GPHN: variants seen among roughly 807,000 people sequenced by gnomAD.
GPHN encodes the protein gephyrin.
A neutral mutation model predicts 95.5 loss-of-function variants in GPHN; 17 were observed. The ratio of observed to expected loss-of-function variants is 0.18; its 90% CI spans 0.12 to 0.27. GPHN has a LOEUF of 0.27. GPHN is among the 10% of genes least tolerant of loss of function. The probability of loss-of-function intolerance (pLI) is 1.00; values close to 1 mark genes in which losing one functional copy is unlikely to be tolerated. For synonymous variants in GPHN, 320 were observed against 322.5 expected (o/e 0.99, Z 0.08); for missense variants, 660 against 978.1 (o/e 0.67, Z 4.34).
intron 8 of GPHN, among the ~76,000 whole-genome samples, chr14:66,936,646 C>G (rs1288552969): frequency 6.6e-6 from 1 of 152,082 alleles, no homozygotes; most frequent in African/African-American, 2.4e-5. Context: ...AGTTATAACA[C>G]TTAGAAGTAT....
At chr14:67,659,733 T>C in the GPHN span, 6 of 1,594,326 alleles carry the variant, frequency 3.8e-6, no homozygotes, top group Non-Finnish European at 2.6e-6. Flanking sequence ...AAACTTACCA[T>C]ATGCTCATTC....
At chr14:67,727,382 G>A in the GPHN span, 1 of 591,352 alleles carries the variant, frequency 1.7e-6, no homozygotes. Flanking sequence ...TAGGGGTTAA[G>A]AACCTCAAAA....
the GPHN span, among the ~76,000 whole-genome samples, chr14:67,485,794 G>A: frequency 2.0e-5 from 3 of 152,238 alleles, no homozygotes; most frequent in African/African-American, 4.8e-5. Flanking sequence ...GTGCAGTTAG[G>A]AGCCTCTCAC....
the GPHN span, among the ~76,000 whole-genome samples, chr14:67,381,215 C>T: frequency 0.021 from 3,223 of 152,192 alleles, 130 homozygotes; most frequent in African/African-American, 0.074. Flanking sequence ...AACATAAACC[C>T]GTCCCCTCCT....
At chr14:67,031,554 T>C (rs1457332695) in intron 10 of GPHN, among the ~76,000 whole-genome samples, 1 of 152,190 alleles carries the variant, frequency 6.6e-6, no homozygotes, top group Non-Finnish European at 1.5e-5. Flanking sequence ...AACCAACTTA[T>C]TCAATTTTCC....
In GPHN at chr14:66,624,531, A is replaced by G. The variant is rs1057091692; in HGVS notation, c.65-56576A>G. On this transcript the variant is annotated intron_variant, in intron 1 of 22. Coordinates refer to ENST00000478722, the MANE Select transcript of GPHN (RefSeq NM_020806.5). Reference sequence around the variant, plus strand: ...TAATGGTGTCCACTGGGTGGCAGCCACCCTCCAGCTCCAAGGACAGTCTAA... The same window carrying G: ...TAATGGTGTCCACTGGGTGGCAGCCGCCCTCCAGCTCCAAGGACAGTCTAA... 3.3e-5 allele frequency among the ~76,000 whole-genome samples: 5 copies of G among 152,272 alleles called. No homozygotes were observed. The South Asian group carries it at 1.0e-3, about 32-fold the overall frequency.
chr14:66,886,910 C>G (rs779411317), intron 5 of GPHN, among the ~76,000 whole-genome samples: 4 of 152,082 alleles, frequency 2.6e-5, no homozygotes, highest in Non-Finnish European at 5.9e-5. Context: ...TCAGTGCAGA[C>G]AACTATGAGA....
chr14:66,922,449 A>G (rs2066272781), intron 6 of GPHN, among the ~76,000 whole-genome samples: 1 of 152,168 alleles, frequency 6.6e-6, no homozygotes, highest in Non-Finnish European at 1.5e-5. Context: ...TATGACCAAC[A>G]TTGTAGCACT....
At chr14:67,556,159 G>C in the GPHN span, among the ~76,000 whole-genome samples, 1 of 152,206 alleles carries the variant, frequency 6.6e-6, no homozygotes, top group African/African-American at 2.4e-5. Context: ...GTTCTCACTC[G>C]TGGAACCTGT....
the GPHN span, chr14:67,340,292 G>A: frequency 1.5e-6 from 1 of 653,552 alleles, no homozygotes; most frequent in Non-Finnish European, 2.6e-6. Context: ...CACAACTTCT[G>A]GTAATAATAT....
At chr14:67,188,020 T>C in the GPHN span, among the ~76,000 whole-genome samples, 1 of 152,212 alleles carries the variant, frequency 6.6e-6, no homozygotes, top group Non-Finnish European at 1.5e-5. Flanking sequence ...TAGTAAGTAC[T>C]CATTACTGAG....
intron 19 of GPHN, among the ~76,000 whole-genome samples, chr14:67,160,605 T>G (rs2081918492): frequency 6.6e-6 from 1 of 152,146 alleles, no homozygotes; most frequent in Non-Finnish European, 1.5e-5. Context: ...GAACCTATGA[T>G]TTCCTGTGCA....
intron 5 of GPHN, among the ~76,000 whole-genome samples, chr14:66,880,927 C>T (rs886166922): frequency 2.0e-5 from 3 of 151,770 alleles, no homozygotes; most frequent in Admixed American, 6.6e-5. Context: ...ATTTAATGAA[C>T]GTTAATTAAT....
chr14:67,312,813 T>G, the GPHN span: 5 of 932,634 alleles, frequency 5.4e-6, no homozygotes, highest in Non-Finnish European at 7.4e-6. Context: ...TTTAATAAAG[T>G]ATTCCAGTTA....
At chr14:67,200,003 G>T in the GPHN span, 2 of 1,011,602 alleles carry the variant, frequency 2.0e-6, no homozygotes, top group Non-Finnish European at 2.9e-6. Flanking sequence ...GCACACCATG[G>T]ACCTCATGGT....
chr14:67,725,992 T>C, the GPHN span: 4 of 1,153,636 alleles, frequency 3.5e-6, no homozygotes, highest in Non-Finnish European at 5.3e-6. Flanking sequence ...TGCAGGTCTG[T>C]TACAGGCAGC....
chr14:67,631,200 C>T, the GPHN span, among the ~76,000 whole-genome samples: 1 of 152,194 alleles, frequency 6.6e-6, no homozygotes, highest in African/African-American at 2.4e-5. Flanking sequence ...GAGCCAACTT[C>T]CTGGCTTTCT....
rs1422480489 is a variant in GPHN at position 67,100,893 on chromosome 14, A to G, written c.1275A>G (p.Glu425=). The change falls in exon 13 of 23, where the codon GAA becomes GAG. Residue 425 remains glutamate, a synonymous_variant. Transcript: ENST00000478722. ...CAGGAGATCGTTTCATCATTGGGGA[A>G]TCCCAAGCTGGTGAACAGGTGAGAT... ...DGPGDRFIIG[E]SQAGEQPTQT... is the part of the protein sequence containing the mutation. The G allele has an allele frequency of 6.2e-7, 1 of 1,604,140 alleles. No homozygotes were observed. Among genetic ancestry groups the G allele is most frequent in the Non-Finnish European group, 8.5e-7 (1 of 1,170,848 alleles).
chr14:67,204,438 T>C, the GPHN span: 1 of 1,393,074 alleles, frequency 7.2e-7, no homozygotes, highest in South Asian at 1.9e-5. Flanking sequence ...TGAGAACTTG[T>C]CTCAAAACAA....
Sources: allele counts gnomAD v4.1 joint callset (sites outside exome capture counted in the v4.1 genomes callset), GRCh38; gene constraint gnomAD v4.1.1; transcripts MANE v1.5; gene names NCBI Gene and HGNC (gene_info 2026-07-23, HGNC 2026-07-21).